The following ANKMY1 variants were observed in gnomAD, a reference collection of about 807,000 sequenced individuals.
ANKMY1 encodes ankyrin repeat and MYND domain-containing protein 1.
In ANKMY1, 98 loss-of-function variants were observed where a neutral mutation model predicts 102.0. The ratio of observed to expected loss-of-function variants is 0.96; its 90% CI spans 0.82 to 1.14. ANKMY1 has a LOEUF of 1.14. Among genes scored for constraint, ANKMY1 ranks in the 50% most tolerant of loss-of-function variants. The pLI is 0.00. For missense variants in ANKMY1, 1,330 were observed against 1,347.6 expected (o/e 0.99, Z 0.20); for synonymous variants, 582 against 559.9 (o/e 1.04, Z -0.56).
At chr2:240,498,481 G>A (rs1054107103) in intron 15 of ANKMY1, among the ~76,000 whole-genome samples, 2 of 79,416 alleles carry the variant, frequency 2.5e-5, no homozygotes, top group Non-Finnish European at 5.8e-5. Flanking sequence ...AGCTGTGGGG[G>A]TGGAGCTGAG....
intron 4 of ANKMY1, among the ~76,000 whole-genome samples, chr2:240,550,281 C>T (rs990409717): frequency 1.3e-5 from 2 of 148,532 alleles, no homozygotes; most frequent in African/African-American, 2.5e-5. Context: ...CCAAACACCG[C>T]GTATTCTCAC....
intron 4 of ANKMY1, among the ~76,000 whole-genome samples, chr2:240,536,417 A>G (rs2086758064): frequency 6.6e-6 from 1 of 152,230 alleles, no homozygotes; most frequent in South Asian, 2.1e-4. Flanking sequence ...TAGCCAGAGG[A>G]AAAACGGAGG....
chr2:240,507,453 C>T, intron 13 of ANKMY1, 107 bp downstream of exon 13: 32 of 1,298,818 alleles, frequency 2.5e-5, no homozygotes, highest in Non-Finnish European at 3.2e-5. Flanking sequence ...GCCACCCACT[C>T]CCCTCCCCGC....
intron 15 of ANKMY1, among the ~76,000 whole-genome samples, chr2:240,495,869 G>A (rs908960023): frequency 2.6e-5 from 4 of 152,068 alleles, no homozygotes; most frequent in African/African-American, 4.8e-5. Flanking sequence ...ATGCCCAGCC[G>A]AACCCAGCCA....
intron 17 of ANKMY1, among the ~76,000 whole-genome samples, chr2:240,480,357 C>T (rs895593841): frequency 5.9e-5 from 9 of 152,356 alleles, no homozygotes; most frequent in African/African-American, 2.2e-4. Context: ...TGCACAGCTT[C>T]GCACACCAGC....
intron 1 of ANKMY1, 143 bp from the exon 2 acceptor site, chr2:240,557,495 C>A (rs990170920): frequency 2.1e-6 from 2 of 930,452 alleles, no homozygotes; most frequent in Non-Finnish European, 3.0e-6. Context: ...GGCCGCCACC[C>A]ACAGGTCCCG....
chr2:240,543,526 A>G (rs1020587481), intron 4 of ANKMY1, among the ~76,000 whole-genome samples: 24 of 152,248 alleles, frequency 1.6e-4, no homozygotes, highest in Non-Finnish European at 3.1e-4. Context: ...TCTTTCTGTG[A>G]ATTTTTTGAT....
chr2:240,501,780 C>T (rs1473472669), intron 13 of ANKMY1, among the ~76,000 whole-genome samples: 1 of 152,222 alleles, frequency 6.6e-6, no homozygotes, highest in African/African-American at 2.4e-5. Flanking sequence ...ACGGCTGACT[C>T]CCTGGCACAT....
chr2:240,480,609 G>A (rs1160447841), intron 17 of ANKMY1, among the ~76,000 whole-genome samples: 1 of 152,160 alleles, frequency 6.6e-6, no homozygotes, highest in Non-Finnish European at 1.5e-5. Context: ...GCCTCTGGAT[G>A]TCAGCAGAGC....
chr2:240,553,227 C>T (rs2091838918), intron 3 of ANKMY1, 170 bp from the exon 4 acceptor site: 1 of 745,432 alleles, frequency 1.3e-6, no homozygotes. Flanking sequence ...CTGAAGCACC[C>T]AGAGGGGTTA....
downstream of ANKMY1, chr2:240,479,313 A>C: frequency 2.1e-6 from 1 of 477,416 alleles, no homozygotes; most frequent in East Asian, 3.5e-5. Flanking sequence ...AGGATGGCCC[A>C]GGCCATGCCC....
chr2:240,520,485 C>T lies in ANKMY1; in HGVS notation c.1881G>A (p.Ala627=). The stretch of plus-strand genomic sequence containing the variant: ...TGGGCACGCAGCACAGGTTGGGGTC[C>T]GCGCCCCGGCGCAGCAGCAGCTTGA... ...RTIKLLLRRG[A]DPNLCCVPMQ... Residue 627 remains alanine, a synonymous_variant, in exon 9 of 18, where the codon GCG becomes GCA. Transcript: ENST00000401804. The surrounding 1 kb of genome is among the most constrained non-coding windows in gnomAD (Gnocchi z 4.8). The T allele has an allele frequency of 3.1e-6, 5 of 1,613,304 alleles. No individual in the cohort carries two copies. Among genetic ancestry groups the T allele is most frequent in the Non-Finnish European group, 3.4e-6 (4 of 1,179,732 alleles).
chr2:240,509,717 T>C (rs562141041), intron 11 of ANKMY1, among the ~76,000 whole-genome samples: 4 of 152,232 alleles, frequency 2.6e-5, no homozygotes, highest in Admixed American at 2.0e-4. Context: ...TAGGAGGACA[T>C]TGATGCATAA....
At chr2:240,554,263 C>T (rs2092006489) in intron 3 of ANKMY1, 1 of 152,336 alleles carries the variant, frequency 6.6e-6, no homozygotes, top group South Asian at 2.1e-4. Context: ...TTTCTCTTTC[C>T]CAGGGGTGTT....
At chr2:240,519,321 AAAAT>A (rs2081725051) in intron 9 of ANKMY1, among the ~76,000 whole-genome samples, 1 of 152,218 alleles carries the variant, frequency 6.6e-6, no homozygotes, top group Non-Finnish European at 1.5e-5. Flanking sequence ...AGGGTCCTTC[AAAAT>A]ACAAAGAGAA....
chr2:240,554,697 A>G, intron 3 of ANKMY1, 169 bp downstream of exon 3: 1 of 744,790 alleles, frequency 1.3e-6, no homozygotes, highest in Non-Finnish European at 2.1e-6. Context: ...TGATTTTGGA[A>G]GTTGGGAAAG....
Position 240,525,834 on chromosome 2 carries a change from CGTT to C in ANKMY1, c.1183_1185del (p.Asn395del), listed in dbSNP as rs2083261026. The C allele has an allele frequency of 6.2e-7, 1 of 1,613,996 alleles. No homozygotes were observed. The highest frequency in any genetic ancestry group is 1.1e-5 in the South Asian group (1 of 91,068). On this transcript the variant is annotated inframe_deletion, in exon 7 of 18. Transcript: ENST00000401804. Reference sequence around the variant, plus strand: ...CAGTCCAGGAGAAGGTTGACAATGTCGTTGTGGCAGTGAGTCTGGAGGGAGATG... The same window carrying C: ...CAGTCCAGGAGAAGGTTGACAATGTCGTGGCAGTGAGTCTGGAGGGAGATG...
Position 240,555,041 on chromosome 2 carries a change from G to C in ANKMY1, c.161C>G (p.Ala54Gly). ...AGCTTCCTCCTCTTCCTTCTCAGGG[G>C]CTGCTGAAACATCCCTAAAAGGACA... is the stretch of plus-strand genomic sequence containing the variant. ...AVFATRDVSA[A>G]PEKEEEEAEG... The change falls in exon 3 of 18, where the codon GCC becomes GGC. Residue 54 changes from alanine to glycine, a missense_variant. Coordinates refer to ENST00000401804, the MANE Select transcript of ANKMY1 (RefSeq NM_001282771.3). 6.2e-7 allele frequency: 1 copy of C among 1,613,980 alleles called. No homozygotes were observed. The highest frequency in any genetic ancestry group is 8.5e-7 in the Non-Finnish European group (1 of 1,179,928).
intron 13 of ANKMY1, among the ~76,000 whole-genome samples, chr2:240,505,461 CA>C (rs540912833): frequency 3.3e-3 from 456 of 137,104 alleles, no homozygotes; most frequent in African/African-American, 8.0e-3. Context: ...GACTCTGACT[CA>C]AAAAAAAAAA....
Sources: allele counts gnomAD v4.1 joint callset (sites outside exome capture counted in the v4.1 genomes callset), GRCh38; gene constraint gnomAD v4.1.1; non-coding constraint Gnocchi (gnomAD v3.1); transcripts MANE v1.5; gene names NCBI Gene and HGNC (gene_info 2026-07-23, HGNC 2026-07-21).